The following PARD3 variants were observed in gnomAD, a reference collection of about 807,000 sequenced individuals.
PARD3 encodes the protein par-3 family cell polarity regulator, also known as partitioning defective 3 homolog.
A neutral mutation model predicts 155.4 loss-of-function variants in PARD3; 75 were observed. The ratio of observed to expected loss-of-function variants is 0.48; its 90% CI spans 0.40 to 0.58. The LOEUF is 0.58. Among genes scored for constraint, PARD3 ranks in the 20% least tolerant of loss-of-function variants. The pLI, the probability that PARD3 is intolerant of heterozygous loss-of-function variation, is 0.00. For synonymous variants in PARD3, 576 were observed against 610.5 expected, an observed-to-expected ratio of 0.94 and a Z score of 0.83; for missense variants, 1,642 against 1,721.7, an observed-to-expected ratio of 0.95 and a Z score of 0.82.
chr10:34,115,013 C>A (rs1193773944), intron 24 of PARD3, among the ~76,000 whole-genome samples: 3 of 152,178 alleles, frequency 2.0e-5, no homozygotes, highest in Non-Finnish European at 2.9e-5. Flanking sequence ...AAGATTACAA[C>A]CACCTCCAAC....
intron 22 of PARD3, among the ~76,000 whole-genome samples, chr10:34,227,932 A>C (rs982489864): frequency 6.8e-6 from 1 of 146,158 alleles, no homozygotes; most frequent in African/African-American, 2.5e-5. Context: ...AAAGGAATAT[A>C]AATCATTCTA....
At chr10:34,156,466 C>G (rs1245014199) in intron 22 of PARD3, among the ~76,000 whole-genome samples, 1 of 152,140 alleles carries the variant, frequency 6.6e-6, no homozygotes, top group African/African-American at 2.4e-5. Flanking sequence ...TTCCAATACT[C>G]TAATGCTCAT....
intron 1 of PARD3, among the ~76,000 whole-genome samples, chr10:34,732,156 C>T (rs1158215687): frequency 1.3e-5 from 2 of 151,936 alleles, no homozygotes; most frequent in African/African-American, 4.8e-5. Flanking sequence ...AACCTGAGAA[C>T]GCTTATTGAA....
At chr10:34,658,007 G>A (rs539854632) in intron 2 of PARD3, among the ~76,000 whole-genome samples, 7 of 152,140 alleles carry the variant, frequency 4.6e-5, no homozygotes, top group African/African-American at 7.2e-5. Flanking sequence ...TTAGCCGGGC[G>A]TGGTTGCAGG....
chr10:34,200,740 A>G (rs1270593085), intron 22 of PARD3, among the ~76,000 whole-genome samples: 1 of 152,236 alleles, frequency 6.6e-6, no homozygotes, highest in Non-Finnish European at 1.5e-5. Context: ...TTACTAGGCT[A>G]CTGGCTCTCT....
At chr10:34,721,059 A>G (rs2094599478) in intron 1 of PARD3, among the ~76,000 whole-genome samples, 1 of 152,210 alleles carries the variant, frequency 6.6e-6, no homozygotes, top group South Asian at 2.1e-4. Flanking sequence ...CAGAAAGGCA[A>G]TAGAAGTATC....
In PARD3 at chr10:34,659,533, C is replaced by T. The variant is rs776955315; in HGVS notation, c.222+36785G>A. ...TTTCTTAATGGTTCATAGGATAATG[C>T]TAGATGATACATAATAACATGTAAA... On this transcript the variant is annotated intron_variant, in intron 2 of 24. Coordinates refer to ENST00000374788, the MANE Select transcript of PARD3 (RefSeq NM_001184785.2). 1.8e-4 allele frequency among the ~76,000 whole-genome samples: 27 copies of T among 152,018 alleles called. 1 individual carries two copies. The highest frequency in any genetic ancestry group is 1.1e-3 in the Admixed American group (17 of 15,256).
intron 22 of PARD3, among the ~76,000 whole-genome samples, chr10:34,207,836 C>T (rs1017902714): frequency 1.3e-5 from 2 of 152,114 alleles, no homozygotes; most frequent in Admixed American, 6.5e-5. Flanking sequence ...TGAACAACAT[C>T]GAGGCTTTGT....
intron 1 of PARD3, among the ~76,000 whole-genome samples, chr10:34,762,310 G>C (rs912995299): frequency 1.3e-5 from 2 of 151,602 alleles, no homozygotes; most frequent in South Asian, 4.2e-4. Flanking sequence ...GAGAGAGAGA[G>C]AGAGATGGGG....
chr10:34,381,336 TA>T (rs914925808), intron 9 of PARD3, among the ~76,000 whole-genome samples: 59 of 151,474 alleles, frequency 3.9e-4, no homozygotes, highest in East Asian at 1.2e-3. Context: ...GTTGAGCCTA[TA>T]AAAAAAAATA....
intron 2 of PARD3, among the ~76,000 whole-genome samples, chr10:34,556,230 A>G (rs560968266): frequency 2.0e-5 from 3 of 152,306 alleles, no homozygotes; most frequent in African/African-American, 7.2e-5. Context: ...GTACCGTTAC[A>G]ACAACGTTTT....
chr10:34,477,203 T>A (rs1309076825), intron 3 of PARD3, among the ~76,000 whole-genome samples: 3 of 152,184 alleles, frequency 2.0e-5, no homozygotes, highest in Non-Finnish European at 2.9e-5. Flanking sequence ...TTGGTCACAT[T>A]ATGGCCACTC....
chr10:34,603,319 G>A (rs1229302568), intron 2 of PARD3, among the ~76,000 whole-genome samples: 1 of 152,202 alleles, frequency 6.6e-6, no homozygotes, highest in African/African-American at 2.4e-5. Context: ...GCTCATCTCT[G>A]TCCCTGATGG....
At chr10:34,418,129 T>A (rs1389553696) in intron 5 of PARD3, among the ~76,000 whole-genome samples, 1 of 152,200 alleles carries the variant, frequency 6.6e-6, no homozygotes, top group Non-Finnish European at 1.5e-5. Flanking sequence ...ATTTAACTTT[T>A]CAAGACAGTA....
chr10:34,580,589 A>G (rs1367863871), intron 2 of PARD3, among the ~76,000 whole-genome samples: 1 of 152,214 alleles, frequency 6.6e-6, no homozygotes, highest in East Asian at 1.9e-4. Context: ...AAGCATTTTA[A>G]TATGTTTACA....
intron 22 of PARD3, among the ~76,000 whole-genome samples, chr10:34,163,026 A>T (rs182550138): frequency 8.8e-4 from 134 of 152,328 alleles, no homozygotes; most frequent in African/African-American, 3.0e-3. Flanking sequence ...AGATTATTAC[A>T]TTACATAATT....
intron 3 of PARD3, among the ~76,000 whole-genome samples, chr10:34,477,982 A>T (rs900590374): frequency 6.6e-6 from 1 of 152,228 alleles, no homozygotes; most frequent in African/African-American, 2.4e-5. Context: ...CACGATTGCA[A>T]AACCAACCTT....
chr10:34,773,944 AT>A (rs1159599046), intron 1 of PARD3, among the ~76,000 whole-genome samples: 3 of 152,206 alleles, frequency 2.0e-5, no homozygotes, highest in Non-Finnish European at 4.4e-5. Context: ...AACCAACATT[AT>A]CACTACCCCC....
At chr10:34,140,415 CCTCCTGT>C (rs1259969532) in intron 22 of PARD3, among the ~76,000 whole-genome samples, 1 of 152,182 alleles carries the variant, frequency 6.6e-6, no homozygotes, top group Non-Finnish European at 1.5e-5. Context: ...ACACGGTGTG[CCTCCTGT>C]CACCTGTATC....
Sources: allele counts gnomAD v4.1 joint callset (sites outside exome capture counted in the v4.1 genomes callset), GRCh38; gene constraint gnomAD v4.1.1; transcripts MANE v1.5; gene names NCBI Gene and HGNC (gene_info 2026-07-23, HGNC 2026-07-21).